TCF12: variants seen among roughly 807,000 people sequenced by gnomAD.
The protein encoded by TCF12 is DNA-binding protein HTF4.
A neutral mutation model predicts 86.0 loss-of-function variants in TCF12; 45 were observed. The observed-to-expected ratio is 0.52, with a 90% CI of 0.41 to 0.67. The LOEUF is 0.67. Among genes scored for constraint, TCF12 ranks in the 30% least tolerant of loss-of-function variants. The pLI, the probability that TCF12 is intolerant of heterozygous loss-of-function variation, is 0.00. For missense variants in TCF12, 881 were observed against 859.9 expected, an observed-to-expected ratio of 1.02 and a Z score of -0.31; for synonymous variants, 330 against 299.6, an observed-to-expected ratio of 1.10 and a Z score of -1.05.
At chr15:56,930,772 C>T (rs2060210324) in intron 3 of TCF12, among the ~76,000 whole-genome samples, 1 of 152,002 alleles carries the variant, frequency 6.6e-6, no homozygotes, top group Non-Finnish European at 1.5e-5. Context: ...TAGAGATCCA[C>T]AGTCCCTTAT....
intron 6 of TCF12, among the ~76,000 whole-genome samples, chr15:57,171,027 T>TG (rs2055450442): frequency 6.7e-6 from 1 of 150,366 alleles, no homozygotes; most frequent in Non-Finnish European, 1.5e-5. Context: ...CTCCTCTGTG[T>TG]ATGCCAACTC....
At chr15:57,136,376 A>G (rs555029066) in intron 5 of TCF12, among the ~76,000 whole-genome samples, 193 of 152,266 alleles carry the variant, frequency 1.3e-3, no homozygotes, top group Middle Eastern at 3.4e-3. Context: ...TGCTCTTGGG[A>G]GACGTTTGCT....
At chr15:57,089,506 A>G (rs1567399587) in intron 4 of TCF12, among the ~76,000 whole-genome samples, 1 of 152,066 alleles carries the variant, frequency 6.6e-6, no homozygotes, top group Non-Finnish European at 1.5e-5. Context: ...AAGTTAATAA[A>G]TTGTGTGTAG....
chr15:56,998,312 T>C (rs1139006), intron 3 of TCF12, among the ~76,000 whole-genome samples: 32,118 of 151,876 alleles, frequency 0.21, 3,544 homozygotes, highest in Middle Eastern at 0.24. Flanking sequence ...CAAAAATTAG[T>C]TGGGTGTGGT....
chr15:57,271,436 C>G (rs2440972), intron 18 of TCF12, among the ~76,000 whole-genome samples: 1 of 152,172 alleles, frequency 6.6e-6, no homozygotes, highest in Non-Finnish European at 1.5e-5. Context: ...GTTGCGAAGA[C>G]TGTGGGAAAA....
intron 6 of TCF12, among the ~76,000 whole-genome samples, chr15:57,168,873 C>G (rs1166455089): frequency 6.6e-6 from 1 of 152,012 alleles, no homozygotes; most frequent in Non-Finnish European, 1.5e-5. Context: ...TGGTGAAACC[C>G]CATCTCTACT....
At chr15:57,107,044 A>G (rs56821483) in intron 5 of TCF12, among the ~76,000 whole-genome samples, 11,918 of 152,252 alleles carry the variant, frequency 0.078, 567 homozygotes, top group African/African-American at 0.13. Context: ...CTTACCATGC[A>G]GTCCAACATT....
intron 4 of TCF12, among the ~76,000 whole-genome samples, chr15:57,069,679 C>T (rs1231417130): frequency 2.0e-5 from 3 of 152,202 alleles, no homozygotes; most frequent in Admixed American, 6.5e-5. Flanking sequence ...CAGCCTCTGG[C>T]ATGACAGAAC....
intron 3 of TCF12, among the ~76,000 whole-genome samples, chr15:56,943,647 A>G (rs562054236): frequency 6.6e-6 from 1 of 152,210 alleles, no homozygotes; most frequent in African/African-American, 2.4e-5. Context: ...AAGCTGATCC[A>G]TGAAATAATG....
At chr15:57,248,924 T>C (rs560208769) in intron 13 of TCF12, among the ~76,000 whole-genome samples, 11 of 152,334 alleles carry the variant, frequency 7.2e-5, no homozygotes, top group African/African-American at 2.4e-4. Flanking sequence ...AGCAGATGCA[T>C]GCTGACAATT....
chr15:56,927,109 A>G (rs1345048834), intron 3 of TCF12, among the ~76,000 whole-genome samples: 1 of 152,192 alleles, frequency 6.6e-6, no homozygotes, highest in Non-Finnish European at 1.5e-5. Flanking sequence ...ATGACTCAAG[A>G]TTGCAGTTCT....
intron 3 of TCF12, among the ~76,000 whole-genome samples, chr15:56,970,760 A>G (rs2062267762): frequency 6.6e-6 from 1 of 152,036 alleles, no homozygotes; most frequent in Non-Finnish European, 1.5e-5. Context: ...AGAAAATTGG[A>G]AGAAAACAGC....
chr15:57,221,900 G>T (rs1415654880), intron 8 of TCF12, among the ~76,000 whole-genome samples: 1 of 151,940 alleles, frequency 6.6e-6, no homozygotes, highest in African/African-American at 2.4e-5. Flanking sequence ...TATTATTTTA[G>T]TGTATATTGG....
chr15:57,118,345 A>C (rs1207693178), intron 5 of TCF12: 3 of 152,260 alleles, frequency 2.0e-5, no homozygotes, highest in African/African-American at 7.2e-5. Context: ...AGAATCACTG[A>C]CTGTCTCTTG....
chr15:56,930,028 A>C lies in TCF12; in HGVS notation c.148+8930A>C, dbSNP rs148606348. The stretch of plus-strand genomic sequence containing the variant: ...TATTTCCAGGCTTTAAAAATGAACA[A>C]GATTGACTCATAATTACTCTTTCAT... On this transcript the variant is annotated intron_variant, in intron 3 of 20. Transcript: ENST00000333725. Among the ~76,000 whole-genome samples the C allele has an allele frequency of 1.1e-4, 16 of 152,356 alleles. No homozygotes were observed. The East Asian group carries it at 3.1e-3, about 29-fold the overall frequency.
intron 3 of TCF12, among the ~76,000 whole-genome samples, chr15:57,029,429 T>A (rs1789303665): frequency 6.6e-6 from 1 of 152,216 alleles, no homozygotes; most frequent in South Asian, 2.1e-4. Context: ...AGAATCAGCT[T>A]GCAGTTTCAT....
At chr15:57,075,782 CTTTCTTTCTTTCTTTCTT>C (rs1396613555) in intron 4 of TCF12, among the ~76,000 whole-genome samples, 29 of 52,872 alleles carry the variant, frequency 5.5e-4, no homozygotes, top group African/African-American at 2.1e-3. Context: ...TTCTTTCTTT[CTTTCTTTCTTTCTTTCTT>C]TCTTTCTCTC....
At chr15:57,262,234 A>C (rs773738701) in intron 17 of TCF12, 26 bp downstream of exon 17, 2 of 1,467,244 alleles carry the variant, frequency 1.4e-6, no homozygotes, top group East Asian at 4.6e-5. Context: ...GTTTTCAGAA[A>C]TAATGCAGAC....
At chr15:57,007,651 T>C (rs1219198444) in intron 3 of TCF12, among the ~76,000 whole-genome samples, 1 of 1,100 alleles carries the variant, frequency 9.1e-4, no homozygotes, top group Admixed American at 0.028. Context: ...TTCCAGTGAT[T>C]TTTTTGTATA....
Sources: gnomAD v4.1 joint callset for allele counts (sites outside exome capture counted in the v4.1 genomes callset) on GRCh38, gnomAD v4.1.1 for gene constraint, MANE v1.5 for transcripts, NCBI Gene and HGNC (gene_info 2026-07-23, HGNC 2026-07-21) for gene names.